The following CARD14 variants were observed in gnomAD, a reference collection of about 807,000 sequenced individuals.
The protein encoded by CARD14 is caspase recruitment domain-containing protein 14.
Under a neutral mutation model 111.5 loss-of-function variants are expected in CARD14, and 107 were observed. The observed-to-expected ratio is 0.96, with a 90% CI of 0.82 to 1.13. The LOEUF (loss-of-function observed/expected upper bound fraction) is 1.13. Ranked by LOEUF, CARD14 falls within the 50% of genes most tolerant of loss-of-function variation. The probability of loss-of-function intolerance (pLI) is 0.00; values close to 1 mark genes in which losing one functional copy is unlikely to be tolerated. For missense variants in CARD14, 1,322 were observed against 1,362.3 expected (o/e 0.97, Z 0.47); for synonymous variants, 617 against 579.6 (o/e 1.06, Z -0.93).
Position 80,193,057 on chromosome 17 carries a change from G to T in CARD14, c.1356+438G>T, listed in dbSNP as rs183497624. Reference sequence around the variant, plus strand: ...GAGCCACCGCACCTGGCCCTATTGCGAGAGTTTTAAACATCAGAGGTTGAT... The same window carrying T: ...GAGCCACCGCACCTGGCCCTATTGCTAGAGTTTTAAACATCAGAGGTTGAT... On this transcript the variant is annotated intron_variant, in intron 12 of 23. Transcript: ENST00000648509. 3.4e-4 allele frequency among the ~76,000 whole-genome samples: 52 copies of T among 152,272 alleles called. 1 individual carries two copies. Among genetic ancestry groups the T allele is most frequent in the Non-Finnish European group, 3.2e-4 (22 of 68,030 alleles).
chr17:80,199,393 C>A (rs915877501), intron 16 of CARD14, among the ~76,000 whole-genome samples: 4 of 151,154 alleles, frequency 2.6e-5, no homozygotes, highest in African/African-American at 9.7e-5. Flanking sequence ...TTTGATGTGG[C>A]CTAAAAGCAG....
chr17:80,191,157 C>T (rs1232709391), intron 10 of CARD14, among the ~76,000 whole-genome samples, 166 bp from the exon 11 acceptor site: 1 of 152,244 alleles, frequency 6.6e-6, no homozygotes, highest in East Asian at 1.9e-4. Flanking sequence ...TTTATCAACA[C>T]TGCACATGTG....
chr17:80,171,453 G>T (rs946475445), intron 1 of CARD14, among the ~76,000 whole-genome samples: 2 of 151,978 alleles, frequency 1.3e-5, no homozygotes, highest in Middle Eastern at 3.4e-3. Flanking sequence ...AAAGTGCTGG[G>T]ATTACAGGCC....
intron 7 of CARD14, chr17:80,187,961 A>G: frequency 3.0e-6 from 3 of 986,598 alleles, no homozygotes; most frequent in South Asian, 9.4e-5. Context: ...CCTCTCTCTT[A>G]CTTCTTACTG....
chr17:80,176,459 A>C (rs1243701504), intron 2 of CARD14, among the ~76,000 whole-genome samples: 2 of 150,382 alleles, frequency 1.3e-5, no homozygotes, highest in Non-Finnish European at 3.0e-5. Flanking sequence ...AAAAAAAAAA[A>C]AGGAAGAGCT....
Position 80,201,867 on chromosome 17 carries a change from G to C in CARD14, c.1975G>C (p.Asp659His). Reference protein sequence around the residue: ...FCCLSVKVNTDGYKRLLQDLE... With the variant: ...FCCLSVKVNTHGYKRLLQDLE... ...CTGCCTGTCTGTGAAGGTCAACACGGACGGTACACATACCACTCCTCTCGT... is the reference window on the plus strand; with the variant it reads ...CTGCCTGTCTGTGAAGGTCAACACGCACGGTACACATACCACTCCTCTCGT... Residue 659 changes from aspartate (D) to histidine (H), a missense_variant, in exon 17 of 24, where the codon GAC (aspartate) becomes CAC (histidine). By Grantham distance (81) the Asp-to-His change is moderately conservative. Transcript: ENST00000648509. The surrounding 1 kb of genome is among the most constrained non-coding windows in gnomAD (Gnocchi z 5.0). The C allele has an allele frequency of 6.2e-7, 1 of 1,612,414 alleles. No individual in the cohort carries two copies. Among genetic ancestry groups the C allele is most frequent in the Non-Finnish European group, 8.5e-7 (1 of 1,179,134 alleles).
At chr17:80,196,239 TC>T (rs920892361) in intron 14 of CARD14, 2 of 152,174 alleles carry the variant, frequency 1.3e-5, no homozygotes, top group Non-Finnish European at 2.9e-5. Flanking sequence ...GGTGCTTTGC[TC>T]CCCATTTGGA....
At position 80,183,954 on chromosome 17, in the gene CARD14, G is replaced by T; in HGVS notation, c.391G>T (p.Ala131Ser). ...CAAGCTGACCGAGTGCCTGGCTGGG[G>T]CCATCGGCAGCCTGCAGGAGGAGCT... ...TSKLTECLAG[A>S]IGSLQEELNQ... Residue 131 changes from alanine (A) to serine (S), a missense_variant, in exon 7 of 24, where the codon GCC becomes TCC. Coordinates refer to ENST00000648509, the MANE Select transcript of CARD14 (RefSeq NM_001366385.1). The T allele has an allele frequency of 6.5e-7, 1 of 1,542,240 alleles. No individual in the cohort carries two copies.
Position 80,205,029 on chromosome 17 carries a change from C to T in CARD14, c.2399-6C>T, listed in dbSNP as rs1039169586. ...TCACCCACCCTCAGGATCCTCTCCT[C>T]CACAGGCTCCAGCACGTGCTTCTGG... On this transcript the variant is annotated splice_polypyrimidine_tract_variant and splice_region_variant and intron_variant, in intron 20 of 23. Coordinates refer to ENST00000648509, the MANE Select transcript of CARD14 (RefSeq NM_001366385.1). 8.3e-6 allele frequency: 13 copies of T among 1,573,146 alleles called. No individual in the cohort carries two copies. The highest frequency in any genetic ancestry group is 1.1e-5 in the Non-Finnish European group (13 of 1,158,012).
rs777494484 is a variant in CARD14 at position 80,206,965 on chromosome 17, C to A, written c.2692-5C>A. ...TGACTCACTTCTTCTCTCCCTCCCA[C>A]AAAGAACACCCATGCCCTCCTGGAC... is the stretch of plus-strand genomic sequence containing the variant. On this transcript the variant is annotated splice_region_variant and splice_polypyrimidine_tract_variant and intron_variant, in intron 22 of 23. Coordinates refer to ENST00000648509, the MANE Select transcript of CARD14 (RefSeq NM_001366385.1). The A allele has an allele frequency of 2.5e-6, 4 of 1,605,892 alleles. No homozygotes were observed. In the Middle Eastern group the frequency reaches 6.6e-4, roughly 266 times the overall value.
At position 80,189,767 on chromosome 17, in the gene CARD14, T is replaced by C. The variant is rs749218823; in HGVS notation, c.858T>C (p.Ile286=). ...SLTFSLAEKD[I]LEQSLDEARG... The stretch of plus-strand genomic sequence containing the variant: ...CTCTGCCCCAGGCGGAGAAGGACAT[T>C]CTGGAGCAGAGCCTGGACGAGGCGC... Residue 286 remains isoleucine (I), a synonymous_variant, in exon 9 of 24, where the codon ATT becomes ATC. Coordinates refer to ENST00000648509, the MANE Select transcript of CARD14 (RefSeq NM_001366385.1). This position sits in a 1 kb window ranked among gnomAD's most constrained non-coding sequence, Gnocchi z 4.7. 1.3e-6 allele frequency: 2 copies of C among 1,582,824 alleles called. No individual in the cohort carries two copies. The highest frequency in any genetic ancestry group is 3.7e-5 in the Admixed American group (2 of 53,556).
At chr17:80,184,350 T>G (rs2040274506) in intron 7 of CARD14, 112 bp downstream of exon 7, 5 of 938,466 alleles carry the variant, frequency 5.3e-6, no homozygotes, top group Middle Eastern at 3.5e-4. Context: ...TGTCTAACAC[T>G]TCCCTGCCCC....
In CARD14 at chr17:80,198,631, A is replaced by G; in HGVS notation, c.1851+40A>G. The G allele has an allele frequency of 6.2e-7, 1 of 1,610,268 alleles. No homozygotes were observed. Among genetic ancestry groups the G allele is most frequent in the Non-Finnish European group, 8.5e-7 (1 of 1,179,566 alleles). On this transcript the variant is annotated intron_variant, in intron 16 of 23. Transcript: ENST00000648509. This position sits in a 1 kb window ranked among gnomAD's most constrained non-coding sequence, Gnocchi z 7.5. ...GCCCCTCCTGTCCCCCGGGCTCCTCATGGGGACAGTGGCAGCGGGTGGGGT... is the reference window on the plus strand; with the variant it reads ...GCCCCTCCTGTCCCCCGGGCTCCTCGTGGGGACAGTGGCAGCGGGTGGGGT...
At position 80,181,401 on chromosome 17, in the gene CARD14, C is replaced by T. The variant is rs2040168355; in HGVS notation, c.-20-18C>T. The stretch of plus-strand genomic sequence containing the variant: ...CCTGCTTACCTGACAACTCCACCCC[C>T]ATGGCCACCCCTCCTAGGGTCCTCC... On this transcript the variant is annotated intron_variant, in intron 4 of 23. Coordinates refer to ENST00000648509, the MANE Select transcript of CARD14 (RefSeq NM_001366385.1). 5 of 1,540,322 alleles carry T rather than the reference C, an allele frequency of 3.2e-6. No homozygotes were observed. Among genetic ancestry groups the T allele is most frequent in the Non-Finnish European group, 4.4e-6 (5 of 1,138,150 alleles).
At position 80,170,830 on chromosome 17, in the gene CARD14, C is replaced by G. The variant is rs1327566829; in HGVS notation, c.-690+774C>G. Among the ~76,000 whole-genome samples, 4 of 114,058 alleles carry G rather than the reference C, an allele frequency of 3.5e-5. No homozygotes were observed. In the Admixed American group the frequency reaches 3.6e-4, roughly 10 times the overall value. The allele number at this position is 114,058 out of a possible 152,430, so 74.8% of individuals were successfully genotyped here. A position where few individuals can be genotyped will look rare whatever the true frequency, so the allele number is the denominator to read the frequency against. Reference sequence around the variant, plus strand: ...CTCCTCTCCCCTCCCCTCCTCTCCCCTCTCCTCCCCTCCCCTCTTCTCTCC... The same window carrying G: ...CTCCTCTCCCCTCCCCTCCTCTCCCGTCTCCTCCCCTCCCCTCTTCTCTCC... On this transcript the variant is annotated intron_variant, in intron 1 of 23. Coordinates refer to ENST00000648509, the MANE Select transcript of CARD14 (RefSeq NM_001366385.1).
chr17:80,172,509 C>G (rs1366962746), intron 1 of CARD14, among the ~76,000 whole-genome samples: 3 of 152,218 alleles, frequency 2.0e-5, no homozygotes, highest in Admixed American at 1.3e-4. Context: ...ATCCCCTGGG[C>G]TCCCACCCTC....
Position 80,201,886 on chromosome 17 carries a change from C to T in CARD14, c.1978+16C>T, listed in dbSNP as rs1378846324. The T allele has an allele frequency of 5.6e-6, 9 of 1,600,334 alleles. No homozygotes were observed. Among genetic ancestry groups the T allele is most frequent in the African/African-American group, 1.3e-5 (1 of 74,586 alleles). ...AACACGGACGGTACACATACCACTC[C>T]TCTCGTGTGCACAGCTGCCTGGCCA... On this transcript the variant is annotated intron_variant, in intron 17 of 23. Coordinates refer to ENST00000648509, the MANE Select transcript of CARD14 (RefSeq NM_001366385.1). The surrounding 1 kb of genome is among the most constrained non-coding windows in gnomAD (Gnocchi z 5.0).
chr17:80,172,746 C>A (rs868121090), intron 1 of CARD14, among the ~76,000 whole-genome samples, 160 bp from the exon 2 acceptor site: 1 of 152,070 alleles, frequency 6.6e-6, no homozygotes, highest in Non-Finnish European at 1.5e-5. Flanking sequence ...CCCCAGTGTT[C>A]TGTGGCGAAC....
chr17:80,175,992 T>G, intron 2 of CARD14, among the ~76,000 whole-genome samples: 1 of 78,958 alleles, frequency 1.3e-5, no homozygotes, highest in Non-Finnish European at 2.5e-5. Flanking sequence ...TTTTTTTTTT[T>G]AAAAACGGGA....
Sources: allele counts gnomAD v4.1 joint callset (sites outside exome capture counted in the v4.1 genomes callset), GRCh38; gene constraint gnomAD v4.1.1; non-coding constraint Gnocchi (gnomAD v3.1); transcripts MANE v1.5; gene names NCBI Gene and HGNC (gene_info 2026-07-23, HGNC 2026-07-21).